HSBP1L1: variants seen among roughly 807,000 people sequenced by gnomAD.
HSBP1L1 encodes heat shock factor binding protein 1 like 1.
Under a neutral mutation model 9.7 loss-of-function variants are expected in HSBP1L1, and 8 were observed. The ratio of observed to expected loss-of-function variants is 0.82; its 90% CI spans 0.48 to 1.48. HSBP1L1 has a LOEUF of 1.48. HSBP1L1 is among the 40% of genes most tolerant of loss of function. The probability of loss-of-function intolerance (pLI) is 0.00; values close to 1 mark genes in which losing one functional copy is unlikely to be tolerated. For synonymous variants in HSBP1L1, 39 were observed against 34.4 expected (o/e 1.13, Z -0.46); for missense variants, 106 against 95.8 (o/e 1.11, Z -0.44).
At chr18:79,965,439 G>C (rs1177792556) in intron 1 of HSBP1L1, among the ~76,000 whole-genome samples, 1 of 152,142 alleles carries the variant, frequency 6.6e-6, no homozygotes, top group Non-Finnish European at 1.5e-5. Context: ...ACCATGGTAC[G>C]TGGGGCTCCC....
intron 3 of HSBP1L1, among the ~76,000 whole-genome samples, chr18:79,968,835 CAA>C (rs1375198236): frequency 6.6e-6 from 1 of 151,738 alleles, no homozygotes; most frequent in Non-Finnish European, 1.5e-5. Flanking sequence ...AAACATGCCA[CAA>C]AAGAATGCTA....
At chr18:79,970,211 T>G in intron 3 of HSBP1L1, 1 of 480,630 alleles carries the variant, frequency 2.1e-6, no homozygotes, top group East Asian at 3.2e-5. Flanking sequence ...ATCTACCTGG[T>G]AAGTGGTTGT....
intron 2 of HSBP1L1, 113 bp from the exon 3 acceptor site, chr18:79,967,976 T>G (rs2051265904): frequency 1.6e-6 from 1 of 614,338 alleles, no homozygotes; most frequent in South Asian, 2.1e-5. Context: ...TGTCGTTGAT[T>G]CCCTCATTTC....
At chr18:79,965,234 C>T (rs1345261099) in intron 1 of HSBP1L1, among the ~76,000 whole-genome samples, 1 of 152,210 alleles carries the variant, frequency 6.6e-6, no homozygotes, top group Non-Finnish European at 1.5e-5. Context: ...GAAATCCTCC[C>T]GCTCCCCAGG....
At chr18:79,967,147 CAAAA>C (rs5826682) in intron 2 of HSBP1L1, among the ~76,000 whole-genome samples, 35 of 105,188 alleles carry the variant, frequency 3.3e-4, no homozygotes, top group African/African-American at 9.6e-4. Flanking sequence ...GACTCCGTCT[CAAAA>C]AAAAAAAAAA....
Position 79,969,062 on chromosome 18 carries a change from G to A in HSBP1L1, c.213+879G>A, listed in dbSNP as rs1471300850. On this transcript the variant is annotated intron_variant, in intron 3 of 3. Transcript: ENST00000451882. ...AAAATAGCCGGGTGTGGTGGCGGGC[G>A]CCTGTGGTCCCAGCTACTTGGGAGG... 1.1e-4 allele frequency among the ~76,000 whole-genome samples: 16 copies of A among 149,536 alleles called. No homozygotes were observed. The South Asian group carries it at 3.0e-3, about 28-fold the overall frequency.
intron 1 of HSBP1L1, among the ~76,000 whole-genome samples, chr18:79,965,461 A>AC (rs1259554071): frequency 6.6e-6 from 1 of 151,064 alleles, no homozygotes; most frequent in Non-Finnish European, 1.5e-5. Context: ...GGGATCTTGA[A>AC]CCCCCAGCTG....
At chr18:79,969,739 T>C (rs1478758345) in intron 3 of HSBP1L1, among the ~76,000 whole-genome samples, 2 of 110,910 alleles carry the variant, frequency 1.8e-5, no homozygotes, top group Non-Finnish European at 4.3e-5. Flanking sequence ...CCATACTCTG[T>C]AGCCTTCTGC....
chr18:79,966,633 C>G lies in HSBP1L1; in HGVS notation c.73C>G (p.Leu25Val), dbSNP rs997878701. ...RDAAENLFQE[L>V]QEHFQALTAT... The stretch of plus-strand genomic sequence containing the variant: ...TCAGGCAGAAAATCTATTTCAGGAA[C>G]TTCAGGAACATTTTCAAGCTCTGAC... Residue 25 changes from leucine to valine, a missense_variant, in exon 2 of 4, where the codon CTT (leucine) becomes GTT (valine). Transcript: ENST00000451882. The G allele has an allele frequency of 6.5e-7, 1 of 1,550,008 alleles. No homozygotes were observed. The highest frequency in any genetic ancestry group is 2.4e-5 in the East Asian group (1 of 40,904).
At chr18:79,969,300 G>A (rs1401477598) in intron 3 of HSBP1L1, among the ~76,000 whole-genome samples, 5 of 72,796 alleles carry the variant, frequency 6.9e-5, no homozygotes, top group African/African-American at 1.8e-4. Flanking sequence ...GGGAGGGAGA[G>A]AGAGAGAGAA....
chr18:79,966,557 A>AC, intron 1 of HSBP1L1, 55 bp from the exon 2 acceptor site: 1 of 1,324,082 alleles, frequency 7.6e-7, no homozygotes, highest in Non-Finnish European at 1.0e-6. Flanking sequence ...AAAAAAAAAA[A>AC]CTCATATGCC....
chr18:79,966,542 CAG>C, intron 1 of HSBP1L1, 68 bp from the exon 2 acceptor site: 1 of 1,094,848 alleles, frequency 9.1e-7, no homozygotes, highest in Non-Finnish European at 1.3e-6. Context: ...GACTTCATCT[CAG>C]AAAAAAAAAA....
chr18:79,964,811 T>C, intron 1 of HSBP1L1, 25 bp downstream of exon 1: 1 of 1,041,906 alleles, frequency 9.6e-7, no homozygotes, highest in East Asian at 1.1e-4. Flanking sequence ...GACTCCTGCT[T>C]CTCTCTGGAT....
intron 2 of HSBP1L1, 63 bp downstream of exon 2, chr18:79,966,741 A>G (rs1183882139): frequency 8.3e-7 from 1 of 1,210,798 alleles, no homozygotes. Flanking sequence ...ATCATGGAGT[A>G]TCTTTTTGTT....
intron 3 of HSBP1L1, among the ~76,000 whole-genome samples, chr18:79,969,084 G>A (rs2051272351): frequency 1.3e-5 from 2 of 150,444 alleles, no homozygotes; most frequent in South Asian, 4.2e-4. Context: ...AGCTACTTGG[G>A]AGGCTGAGGC....
In HSBP1L1 at chr18:79,970,574, C is replaced by T. The variant is rs1444190809; in HGVS notation, c.*123C>T. 2 of 595,814 alleles carry T rather than the reference C, an allele frequency of 3.4e-6. No homozygotes were observed. The highest frequency in any genetic ancestry group is 6.2e-5 in the East Asian group (2 of 32,454). The allele number at this position is 595,814 out of a possible 1,614,324, so 36.9% of individuals were successfully genotyped here. ...TCTGAGAAGAGACGCAAGGGGCTCG[C>T]CTGCTCTCCCCTCCGTGCCTGCACC... On this transcript the variant is annotated 3_prime_UTR_variant, in exon 4 of 4. Transcript: ENST00000451882.
intron 2 of HSBP1L1, chr18:79,967,871 G>C: frequency 4.6e-6 from 2 of 439,494 alleles, no homozygotes; most frequent in Non-Finnish European, 8.0e-6. Context: ...GTCCAAGCAA[G>C]GGGAGCCACG....
intron 1 of HSBP1L1, among the ~76,000 whole-genome samples, chr18:79,965,565 C>A (rs1467966234): frequency 6.6e-6 from 1 of 152,124 alleles, no homozygotes; most frequent in Non-Finnish European, 1.5e-5. Context: ...TGGTGTGGGA[C>A]GTCAGTCTGT....
At chr18:79,969,746 C>G (rs971256205) in intron 3 of HSBP1L1, among the ~76,000 whole-genome samples, 1 of 92,134 alleles carries the variant, frequency 1.1e-5, no homozygotes, top group Non-Finnish European at 2.9e-5. Flanking sequence ...CTGTAGCCTT[C>G]TGCCCCTTGC....
Sources: gnomAD v4.1 joint callset for allele counts (sites outside exome capture counted in the v4.1 genomes callset) on GRCh38, gnomAD v4.1.1 for gene constraint, MANE v1.5 for transcripts, NCBI Gene and HGNC (gene_info 2026-07-23, HGNC 2026-07-21) for gene names.